The following CPQ variants were observed in gnomAD, a reference collection of about 807,000 sequenced individuals.
CPQ encodes the protein Ser-Met dipeptidase.
Under a neutral mutation model 45.7 loss-of-function variants are expected in CPQ, and 37 were observed. The ratio of observed to expected loss-of-function variants is 0.81; its 90% CI spans 0.62 to 1.07. CPQ has a LOEUF of 1.07. Ranked by LOEUF, CPQ falls within the 50% of genes least tolerant of loss-of-function variation. The pLI is 0.00. For missense variants in CPQ, 537 were observed against 572.9 expected, an observed-to-expected ratio of 0.94 and a Z score of 0.64; for synonymous variants, 186 against 205.8, an observed-to-expected ratio of 0.90 and a Z score of 0.82.
intron 1 of CPQ, among the ~76,000 whole-genome samples, chr8:96,713,874 A>G (rs1304077548): frequency 6.6e-6 from 1 of 152,216 alleles, no homozygotes; most frequent in African/African-American, 2.4e-5. Flanking sequence ...TGTTTGAAAA[A>G]GACTATTTCT....
At chr8:96,769,374 C>T (rs1810510606) in intron 1 of CPQ, among the ~76,000 whole-genome samples, 1 of 152,078 alleles carries the variant, frequency 6.6e-6, no homozygotes, top group South Asian at 2.1e-4. Context: ...GTGCATTTTT[C>T]AGGATTTATC....
At chr8:96,804,589 A>G (rs1237086351) in intron 2 of CPQ, among the ~76,000 whole-genome samples, 1 of 152,064 alleles carries the variant, frequency 6.6e-6, no homozygotes, top group Non-Finnish European at 1.5e-5. Flanking sequence ...ATTTTAAAAA[A>G]TCTAATAAAC....
intron 1 of CPQ, among the ~76,000 whole-genome samples, chr8:96,729,031 T>C (rs1292428237): frequency 6.6e-6 from 1 of 152,234 alleles, no homozygotes; most frequent in Non-Finnish European, 1.5e-5. Context: ...TCAGTGCCTA[T>C]ATTACTTATA....
At chr8:96,876,660 C>CT (rs1290173017) in intron 3 of CPQ, among the ~76,000 whole-genome samples, 35 of 152,218 alleles carry the variant, frequency 2.3e-4, no homozygotes, top group African/African-American at 7.5e-4. Flanking sequence ...TTGTGAAATA[C>CT]TTTTTCAGCA....
intron 1 of CPQ, among the ~76,000 whole-genome samples, chr8:96,677,714 CTT>C (rs753039207): frequency 3.9e-5 from 6 of 151,948 alleles, no homozygotes; most frequent in Non-Finnish European, 7.4e-5. Context: ...GTTACATTTG[CTT>C]TTGCAGTCTT....
At chr8:96,958,447 T>C (rs1813394295) in intron 4 of CPQ, among the ~76,000 whole-genome samples, 1 of 102,364 alleles carries the variant, frequency 9.8e-6, no homozygotes, top group Non-Finnish European at 1.8e-5. Context: ...ATGGTTCTTC[T>C]ACTTAAGATC....
chr8:96,895,959 C>G (rs1297759770), intron 4 of CPQ, among the ~76,000 whole-genome samples: 1 of 152,096 alleles, frequency 6.6e-6, no homozygotes, highest in East Asian at 1.9e-4. Flanking sequence ...TTGGAAGTAG[C>G]TCTCTCTTCT....
At chr8:96,971,464 G>A (rs1347247473) in intron 5 of CPQ, among the ~76,000 whole-genome samples, 1 of 152,158 alleles carries the variant, frequency 6.6e-6, no homozygotes, top group Non-Finnish European at 1.5e-5. Context: ...AGATGAATCA[G>A]AATTTGTAAG....
intron 7 of CPQ, among the ~76,000 whole-genome samples, chr8:97,084,925 A>G (rs1226769955): frequency 1.3e-5 from 2 of 151,900 alleles, no homozygotes; most frequent in Non-Finnish European, 2.9e-5. Flanking sequence ...CCTTTCTTGT[A>G]AGTTGCTGCT....
chr8:97,014,553 A>G (rs1351819699), intron 5 of CPQ, among the ~76,000 whole-genome samples: 1 of 151,628 alleles, frequency 6.6e-6, no homozygotes, highest in Non-Finnish European at 1.5e-5. Context: ...GAGGCATGAG[A>G]ATCACTTGAA....
intron 1 of CPQ, among the ~76,000 whole-genome samples, chr8:96,682,831 T>C (rs1464204103): frequency 6.6e-6 from 1 of 152,204 alleles, no homozygotes; most frequent in Admixed American, 6.5e-5. Flanking sequence ...TCTATATGTG[T>C]CCTTACAGAT....
intron 1 of CPQ, among the ~76,000 whole-genome samples, chr8:96,780,316 G>T (rs1810670154): frequency 6.6e-6 from 1 of 152,146 alleles, no homozygotes; most frequent in Admixed American, 6.6e-5. Flanking sequence ...TCATTAAACT[G>T]TAAGTGGAGG....
intron 1 of CPQ, among the ~76,000 whole-genome samples, chr8:96,754,765 A>G (rs947924903): frequency 4.6e-5 from 7 of 152,108 alleles, no homozygotes; most frequent in African/African-American, 9.6e-5. Flanking sequence ...GGTAAATACA[A>G]TGAAATGAAA....
chr8:96,666,625 T>G (rs1358222547), intron 1 of CPQ, among the ~76,000 whole-genome samples: 1 of 152,174 alleles, frequency 6.6e-6, no homozygotes, highest in Non-Finnish European at 1.5e-5. Context: ...TATCGACTGG[T>G]CTATCACAAG....
At chr8:96,803,377 GA>G (rs1811033439) in intron 2 of CPQ, among the ~76,000 whole-genome samples, 1 of 152,204 alleles carries the variant, frequency 6.6e-6, no homozygotes, top group Non-Finnish European at 1.5e-5. Flanking sequence ...AGATTTGAGG[GA>G]TGAATGGTTT....
At chr8:96,853,619 C>T (rs1193851084) in intron 3 of CPQ, among the ~76,000 whole-genome samples, 1 of 151,258 alleles carries the variant, frequency 6.6e-6, no homozygotes, top group Admixed American at 6.6e-5. Context: ...CTTTTTCTAG[C>T]CTGTATACTT....
chr8:96,906,094 G>A (rs140775128), intron 4 of CPQ, among the ~76,000 whole-genome samples: 226 of 152,236 alleles, frequency 1.5e-3, no homozygotes, highest in African/African-American at 5.1e-3. Flanking sequence ...CTGAGTCACC[G>A]GGTATGGAGG....
chr8:96,790,696 C>A (rs1408461924), intron 2 of CPQ, among the ~76,000 whole-genome samples: 1 of 152,118 alleles, frequency 6.6e-6, no homozygotes, highest in Non-Finnish European at 1.5e-5. Context: ...GAGAGGAAAG[C>A]AGATCATGAC....
intron 1 of CPQ, among the ~76,000 whole-genome samples, chr8:96,729,214 G>A (rs1809879591): frequency 6.6e-6 from 1 of 152,180 alleles, no homozygotes; most frequent in South Asian, 2.1e-4. Context: ...CTCTGTGACT[G>A]TGCTGAAGAC....
Sources: allele counts gnomAD v4.1 joint callset (sites outside exome capture counted in the v4.1 genomes callset), GRCh38; gene constraint gnomAD v4.1.1; transcripts MANE v1.5; gene names NCBI Gene and HGNC (gene_info 2026-07-23, HGNC 2026-07-21).